Variants in KLRG1 observed in about 807,000 individuals in gnomAD.
KLRG1 encodes killer cell lectin like receptor G1, also known as killer cell lectin-like receptor subfamily G member 1.
A neutral mutation model predicts 21.8 loss-of-function variants in KLRG1; 16 were observed. The ratio of observed to expected loss-of-function variants is 0.73; its 90% CI spans 0.50 to 1.11. The LOEUF (loss-of-function observed/expected upper bound fraction) is 1.11, where lower values mean the gene tolerates loss of function less well. KLRG1 is among the 50% of genes most tolerant of loss of function. The pLI, the probability that KLRG1 is intolerant of heterozygous loss-of-function variation, is 0.00. For synonymous variants in KLRG1, 69 were observed against 75.9 expected, an observed-to-expected ratio of 0.91 and a Z score of 0.47; for missense variants, 173 against 218.3, an observed-to-expected ratio of 0.79 and a Z score of 1.31.
At chr12:8,963,217 C>T (rs1295593876) in intron 1 of KLRG1, among the ~76,000 whole-genome samples, 1 of 152,088 alleles carries the variant, frequency 6.6e-6, no homozygotes, top group East Asian at 1.9e-4. Flanking sequence ...ATTTTTTTAA[C>T]ATGAACACAT....
the KLRG1 span, among the ~76,000 whole-genome samples, chr12:9,184,203 C>T: frequency 6.6e-6 from 1 of 152,226 alleles, no homozygotes; most frequent in Non-Finnish European, 1.5e-5. Context: ...CCTACTCCTA[C>T]CACACAGCCA....
the KLRG1 span, chr12:9,101,469 T>A: frequency 1.9e-6 from 3 of 1,613,670 alleles, no homozygotes; most frequent in Non-Finnish European, 2.5e-6. Flanking sequence ...GGAGAGCTTC[T>A]TCAGCCCCAG....
chr12:9,077,882 A>G, the KLRG1 span: 1 of 1,613,924 alleles, frequency 6.2e-7, no homozygotes, highest in Non-Finnish European at 8.5e-7. Context: ...AGCAATCATG[A>G]TGTTTATGTT....
the KLRG1 span, among the ~76,000 whole-genome samples, chr12:9,117,464 T>C: frequency 6.6e-6 from 1 of 152,172 alleles, no homozygotes; most frequent in Non-Finnish European, 1.5e-5. Flanking sequence ...GAGGTAATTA[T>C]AGTGCTCAGT....
At chr12:8,972,603 C>G (rs1324773574) in intron 1 of KLRG1, among the ~76,000 whole-genome samples, 1 of 152,178 alleles carries the variant, frequency 6.6e-6, no homozygotes, top group East Asian at 1.9e-4. Flanking sequence ...GCAACCTTGT[C>G]AAAGATCATT....
chr12:9,115,797 A>C, the KLRG1 span: 4,212 of 1,613,492 alleles, frequency 2.6e-3, 9 homozygotes, highest in Non-Finnish European at 3.3e-3. Flanking sequence ...TGTGGGCAGG[A>C]GGACCAAGAG....
the KLRG1 span, among the ~76,000 whole-genome samples, chr12:9,111,130 A>G: frequency 1.0e-3 from 156 of 152,344 alleles, 1 homozygote; most frequent in African/African-American, 3.6e-3. Flanking sequence ...AAAAATGAAT[A>G]AACATTGATA....
the KLRG1 span, among the ~76,000 whole-genome samples, chr12:9,200,043 G>A: frequency 6.6e-6 from 1 of 152,076 alleles, no homozygotes; most frequent in Admixed American, 6.6e-5. Context: ...TCGCAGAAGT[G>A]GACAATGTCT....
the KLRG1 span, among the ~76,000 whole-genome samples, chr12:9,045,644 G>A: frequency 6.6e-6 from 1 of 152,040 alleles, no homozygotes; most frequent in Non-Finnish European, 1.5e-5. Context: ...AAGAAGAGAT[G>A]GGAAATATCA....
At chr12:9,160,681 G>T in the KLRG1 span, among the ~76,000 whole-genome samples, 1 of 152,130 alleles carries the variant, frequency 6.6e-6, no homozygotes, top group Non-Finnish European at 1.5e-5. Context: ...TTGGGAGGCC[G>T]AGGCGGGCGG....
chr12:8,997,603 A>G (rs774581002), intron 3 of KLRG1, among the ~76,000 whole-genome samples: 1 of 152,170 alleles, frequency 6.6e-6, no homozygotes, highest in Non-Finnish European at 1.5e-5. Flanking sequence ...TTGTTGCTAT[A>G]TGTAGAATCT....
the KLRG1 span, among the ~76,000 whole-genome samples, chr12:9,086,809 A>G: frequency 2.0e-5 from 3 of 152,214 alleles, no homozygotes; most frequent in African/African-American, 7.2e-5. Context: ...ATGAAAAAGA[A>G]ATGAAAAATA....
At chr12:9,153,256 C>A in the KLRG1 span, 1 of 1,614,178 alleles carries the variant, frequency 6.2e-7, no homozygotes. Flanking sequence ...GTCTGTGAAT[C>A]CTGAACGGTG....
downstream of KLRG1, among the ~76,000 whole-genome samples, chr12:9,013,580 A>G (rs1183673321): frequency 1.3e-5 from 2 of 152,204 alleles, no homozygotes; most frequent in Admixed American, 1.3e-4. Flanking sequence ...GTGGCCGGAG[A>G]GGCCTCACAA....
chr12:9,077,111 A>G, the KLRG1 span, among the ~76,000 whole-genome samples: 1 of 152,222 alleles, frequency 6.6e-6, no homozygotes, highest in African/African-American at 2.4e-5. Flanking sequence ...TTCAAAAGAT[A>G]CATCTTTAAG....
the KLRG1 span, among the ~76,000 whole-genome samples, chr12:9,185,494 G>A: frequency 6.6e-6 from 1 of 152,150 alleles, no homozygotes; most frequent in African/African-American, 2.4e-5. Flanking sequence ...CATAATGAAA[G>A]CAACTTGGAA....
chr12:9,109,605 T>C, the KLRG1 span, among the ~76,000 whole-genome samples: 1 of 152,230 alleles, frequency 6.6e-6, no homozygotes, highest in Non-Finnish European at 1.5e-5. Flanking sequence ...GTGTGCTTAA[T>C]TAATTATGGA....
At chr12:9,159,019 G>A in the KLRG1 span, among the ~76,000 whole-genome samples, 2 of 151,808 alleles carry the variant, frequency 1.3e-5, no homozygotes, top group Non-Finnish European at 2.9e-5. Context: ...CCATCATCCT[G>A]CCCTTCCACT....
chr12:9,046,542 G>C, the KLRG1 span, among the ~76,000 whole-genome samples: 1 of 152,154 alleles, frequency 6.6e-6, no homozygotes, highest in Admixed American at 6.5e-5. Context: ...GAGAGCAAAG[G>C]ATGAGAATTA....
Sources: allele counts gnomAD v4.1 joint callset (sites outside exome capture counted in the v4.1 genomes callset), GRCh38; gene constraint gnomAD v4.1.1; transcripts MANE v1.5; gene names NCBI Gene and HGNC (gene_info 2026-07-23, HGNC 2026-07-21).